Variants in MAD1L1 observed in about 807,000 individuals in gnomAD.
MAD1L1 encodes the protein mitotic arrest deficient 1 like 1, also known as mitotic spindle assembly checkpoint protein MAD1.
In MAD1L1, 95 loss-of-function variants were observed where a neutral mutation model predicts 96.9. The ratio of observed to expected loss-of-function variants is 0.98; its 90% confidence interval spans 0.83 to 1.16. MAD1L1 has a LOEUF of 1.16. MAD1L1 is among the 50% of genes most tolerant of loss of function. The probability of loss-of-function intolerance (pLI) is 0.00; values close to 1 mark genes in which losing one functional copy is unlikely to be tolerated. For missense variants in MAD1L1, 1,007 were observed against 954.4 expected, an observed-to-expected ratio of 1.06 and a Z score of -0.73; for synonymous variants, 473 against 396.6, an observed-to-expected ratio of 1.19 and a Z score of -2.29.
intron 12 of MAD1L1, among the ~76,000 whole-genome samples, chr7:2,067,846 A>C (rs60104508): frequency 6.6e-6 from 1 of 151,858 alleles, no homozygotes; most frequent in Non-Finnish European, 1.5e-5. Flanking sequence ...CACGGCGTCC[A>C]CCTCTGTTGA....
At chr7:2,064,483 AAGAGCTGC>A (rs1393847443) in intron 12 of MAD1L1, among the ~76,000 whole-genome samples, 3 of 152,234 alleles carry the variant, frequency 2.0e-5, no homozygotes, top group Non-Finnish European at 4.4e-5. Flanking sequence ...TCAGGCTCAC[AAGAGCTGC>A]CTCTGGGCCA....
chr7:1,914,949 A>G (rs1181444620), intron 17 of MAD1L1, among the ~76,000 whole-genome samples: 1 of 152,156 alleles, frequency 6.6e-6, no homozygotes, highest in African/African-American at 2.4e-5. Flanking sequence ...CTGGTTTGTC[A>G]TGGCAGCAAC....
chr7:2,023,672 G>C (rs762250587), intron 12 of MAD1L1, among the ~76,000 whole-genome samples: 6 of 152,230 alleles, frequency 3.9e-5, no homozygotes, highest in African/African-American at 1.4e-4. Flanking sequence ...AAATTGGCCA[G>C]GTACAGTGGC....
chr7:2,212,883 A>G (rs1261605813), intron 10 of MAD1L1, among the ~76,000 whole-genome samples: 1 of 152,222 alleles, frequency 6.6e-6, no homozygotes, highest in Non-Finnish European at 1.5e-5. Context: ...TTCCCCCAAA[A>G]GCAATTATTT....
At chr7:1,908,023 A>G (rs1264423227) in intron 17 of MAD1L1, among the ~76,000 whole-genome samples, 1 of 152,232 alleles carries the variant, frequency 6.6e-6, no homozygotes, top group Non-Finnish European at 1.5e-5. Flanking sequence ...TGCAAGGGTG[A>G]GATGAAGGCT....
chr7:1,927,590 G>A (rs571364371), intron 17 of MAD1L1, among the ~76,000 whole-genome samples: 1 of 152,274 alleles, frequency 6.6e-6, no homozygotes, highest in South Asian at 2.1e-4. Context: ...AATGGTGGCA[G>A]GACAGTCAGT....
chr7:2,186,953 C>A (rs1483810522), intron 10 of MAD1L1, among the ~76,000 whole-genome samples: 1 of 151,948 alleles, frequency 6.6e-6, no homozygotes, highest in African/African-American at 2.4e-5. Context: ...GCCACCACGC[C>A]CGGCGAATTT....
In MAD1L1 at chr7:1,893,326, C is replaced by A. The variant is rs186358901; in HGVS notation, c.1998+4874G>T. Among the ~76,000 whole-genome samples the A allele has an allele frequency of 7.3e-4, 111 of 152,166 alleles. 1 individual carries two copies. The highest frequency in any genetic ancestry group is 2.4e-3 in the African/African-American group (100 of 41,510). On this transcript the variant is annotated intron_variant, in intron 18 of 18. Transcript: ENST00000265854. ...GGAAGCAGAGTGGCGGGGGACTGTG[C>A]GGCAAACCCTCAATTATCCCAGCAC...
At chr7:1,891,756 T>C (rs1786554553) in intron 18 of MAD1L1, among the ~76,000 whole-genome samples, 1 of 152,096 alleles carries the variant, frequency 6.6e-6, no homozygotes, top group Non-Finnish European at 1.5e-5. Flanking sequence ...AAGTTTTAAA[T>C]ATTTTGTAGA....
At chr7:1,898,496 G>T in intron 17 of MAD1L1, 106 bp from the exon 18 acceptor site, 1 of 884,346 alleles carries the variant, frequency 1.1e-6, no homozygotes, top group Admixed American at 2.3e-5. Flanking sequence ...TGGGAGTGGC[G>T]GCTGCCCAGG....
intron 7 of MAD1L1, among the ~76,000 whole-genome samples, chr7:2,217,671 G>A (rs550372835): frequency 1.1e-4 from 17 of 152,340 alleles, no homozygotes; most frequent in African/African-American, 4.1e-4. Flanking sequence ...CTCTATGCCT[G>A]TAGCATCTTC....
At chr7:1,920,764 C>T (rs1352335601) in intron 17 of MAD1L1, among the ~76,000 whole-genome samples, 1 of 152,248 alleles carries the variant, frequency 6.6e-6, no homozygotes, top group Non-Finnish European at 1.5e-5. Context: ...ACCCCAAATA[C>T]CCCTGTGTGG....
At chr7:1,858,678 C>CAGGGCACATGGTGGCG in intron 18 of MAD1L1, among the ~76,000 whole-genome samples, 1 of 152,344 alleles carries the variant, frequency 6.6e-6, no homozygotes, top group South Asian at 2.1e-4. Flanking sequence ...AGAACATGCG[C>CAGGGCACATGGTGGCG]AGGGCACATG....
intron 11 of MAD1L1, among the ~76,000 whole-genome samples, chr7:2,072,714 A>C (rs890067597): frequency 3.9e-5 from 6 of 152,264 alleles, no homozygotes; most frequent in Non-Finnish European, 5.9e-5. Context: ...AGAATGTGAC[A>C]GGTGCTGTCT....
At chr7:1,977,923 C>T (rs914093244) in intron 15 of MAD1L1, among the ~76,000 whole-genome samples, 1 of 152,248 alleles carries the variant, frequency 6.6e-6, no homozygotes, top group African/African-American at 2.4e-5. Context: ...GATTTAAGAA[C>T]CTACTCCACC....
At chr7:1,973,731 C>G (rs550428309) in intron 15 of MAD1L1, among the ~76,000 whole-genome samples, 2 of 152,282 alleles carry the variant, frequency 1.3e-5, no homozygotes, top group East Asian at 1.9e-4. Flanking sequence ...ACATGGGGTC[C>G]TGGGGGTTGA....
chr7:1,897,830 G>A (rs959793199), intron 18 of MAD1L1, among the ~76,000 whole-genome samples: 2 of 152,138 alleles, frequency 1.3e-5, no homozygotes, highest in South Asian at 2.1e-4. Context: ...CCCCTGCCCC[G>A]GCCCCACACG....
At chr7:2,016,954 C>T (rs143672786) in intron 12 of MAD1L1, among the ~76,000 whole-genome samples, 1,974 of 152,348 alleles carry the variant, frequency 0.013, 33 homozygotes, top group African/African-American at 0.044. Context: ...CGCGCAAGGC[C>T]GGGGCGGGGG....
chr7:2,173,025 G>C (rs866703566), intron 10 of MAD1L1, among the ~76,000 whole-genome samples: 1 of 152,182 alleles, frequency 6.6e-6, no homozygotes, highest in Non-Finnish European at 1.5e-5. Flanking sequence ...CCATGTATAC[G>C]TATTCCTCGT....
Sources: allele counts gnomAD v4.1 joint callset (sites outside exome capture counted in the v4.1 genomes callset), GRCh38; gene constraint gnomAD v4.1.1; transcripts MANE v1.5; gene names NCBI Gene and HGNC (gene_info 2026-07-23, HGNC 2026-07-21).